The following DPP10 variants were observed in gnomAD, a reference collection of about 807,000 sequenced individuals.
The protein encoded by DPP10 is inactive dipeptidyl peptidase 10.
In DPP10, 33 loss-of-function variants were observed where a neutral mutation model predicts 120.9. That is an observed-to-expected ratio of 0.27 (90% confidence interval 0.21 to 0.37). The LOEUF is 0.37. Among genes scored for constraint, DPP10 ranks in the 10% least tolerant of loss-of-function variants. The probability of loss-of-function intolerance (pLI) is 1.00; values close to 1 mark genes in which losing one functional copy is unlikely to be tolerated. For synonymous variants in DPP10, 337 were observed against 326.1 expected (o/e 1.03, Z -0.36); for missense variants, 816 against 942.8 (o/e 0.87, Z 1.76).
At chr2:114,460,073 C>A (rs1678794380) in intron 1 of DPP10, among the ~76,000 whole-genome samples, 1 of 152,090 alleles carries the variant, frequency 6.6e-6, no homozygotes, top group African/African-American at 2.4e-5. Flanking sequence ...TTATAACCAG[C>A]AATACGCTGA....
Position 115,842,617 on chromosome 2 carries a change from A to G in DPP10, c.*272A>G, listed in dbSNP as rs1398031624. 3 of 267,080 alleles carry G rather than the reference A, an allele frequency of 1.1e-5. No individual in the cohort carries two copies. The highest frequency in any genetic ancestry group is 4.4e-5 in the African/African-American group (2 of 45,832). 16.5% of individuals were successfully genotyped at this position (267,080 alleles called of 1,614,324 possible). Reference sequence around the variant, plus strand: ...TTTTGCATTAAAGTAGGAGTAGTGCATGTTTTCTTCTGTTATCCCCCTGTT... The same window carrying G: ...TTTTGCATTAAAGTAGGAGTAGTGCGTGTTTTCTTCTGTTATCCCCCTGTT... On this transcript the variant is annotated 3_prime_UTR_variant, in exon 26 of 26. Coordinates refer to ENST00000410059, the MANE Select transcript of DPP10 (RefSeq NM_020868.6).
intron 1 of DPP10, among the ~76,000 whole-genome samples, chr2:114,900,607 A>C (rs1423276980): frequency 6.6e-6 from 1 of 152,116 alleles, no homozygotes; most frequent in Non-Finnish European, 1.5e-5. Context: ...TTGTTCATTT[A>C]CGTGTTGCAA....
At chr2:114,713,626 G>A (rs906903166) in intron 1 of DPP10, among the ~76,000 whole-genome samples, 2 of 152,122 alleles carry the variant, frequency 1.3e-5, no homozygotes, top group Non-Finnish European at 2.9e-5. Flanking sequence ...TTCAATCTAT[G>A]ATTCCCACAC....
At chr2:115,118,083 A>C (rs2049617775) in intron 1 of DPP10, among the ~76,000 whole-genome samples, 1 of 152,210 alleles carries the variant, frequency 6.6e-6, no homozygotes, top group African/African-American at 2.4e-5. Flanking sequence ...GATGGGTTCC[A>C]ATCTAGATAA....
chr2:115,216,176 G>A (rs1438674429), intron 1 of DPP10, among the ~76,000 whole-genome samples: 1 of 152,000 alleles, frequency 6.6e-6, no homozygotes, highest in Non-Finnish European at 1.5e-5. Flanking sequence ...GAGGAAAGAG[G>A]GAGAAAAAAT....
chr2:115,491,037 G>T (rs2076087974), intron 3 of DPP10, among the ~76,000 whole-genome samples: 1 of 152,128 alleles, frequency 6.6e-6, no homozygotes. Context: ...AGGATCACTT[G>T]AACCTGGGAG....
chr2:115,590,436 C>T (rs879219073), intron 5 of DPP10, among the ~76,000 whole-genome samples: 7 of 152,000 alleles, frequency 4.6e-5, no homozygotes, highest in African/African-American at 7.2e-5. Context: ...TCTGTCCTTG[C>T]GATAGTTTGC....
At chr2:115,742,402 A>G (rs1677394491) in intron 9 of DPP10, among the ~76,000 whole-genome samples, 2 of 152,148 alleles carry the variant, frequency 1.3e-5, no homozygotes, top group Non-Finnish European at 2.9e-5. Flanking sequence ...CAAACCTGTC[A>G]TTTTATATAT....
intron 1 of DPP10, among the ~76,000 whole-genome samples, chr2:114,802,664 C>T (rs186328745): frequency 6.3e-4 from 96 of 152,214 alleles, no homozygotes; most frequent in African/African-American, 2.2e-3. Context: ...AATGAAGAGA[C>T]CATGGGAGTC....
At chr2:114,684,591 C>T (rs548590886) in intron 1 of DPP10, among the ~76,000 whole-genome samples, 5 of 152,080 alleles carry the variant, frequency 3.3e-5, no homozygotes, top group African/African-American at 1.2e-4. Context: ...ACACATCAAA[C>T]AACCAGCCAG....
chr2:115,760,128 A>G (rs1679935508), intron 11 of DPP10, among the ~76,000 whole-genome samples: 1 of 152,212 alleles, frequency 6.6e-6, no homozygotes, highest in Non-Finnish European at 1.5e-5. Flanking sequence ...AATAGTCTGT[A>G]GAGAAGCTTT....
intron 5 of DPP10, among the ~76,000 whole-genome samples, chr2:115,572,833 G>T (rs1164541571): frequency 6.6e-6 from 1 of 152,082 alleles, no homozygotes; most frequent in Non-Finnish European, 1.5e-5. Flanking sequence ...AAAAACCTTT[G>T]GAGTAACTCT....
At chr2:115,455,035 CATA>C in intron 3 of DPP10, among the ~76,000 whole-genome samples, 1 of 150,342 alleles carries the variant, frequency 6.7e-6, no homozygotes, top group East Asian at 1.9e-4. Flanking sequence ...ATTAATATAG[CATA>C]ATTATAATGA....
intron 1 of DPP10, among the ~76,000 whole-genome samples, chr2:114,741,811 C>T (rs933175917): frequency 1.3e-5 from 2 of 152,218 alleles, no homozygotes; most frequent in African/African-American, 2.4e-5. Flanking sequence ...TGCCCAGGAC[C>T]ACCAGAAACT....
intron 3 of DPP10, among the ~76,000 whole-genome samples, chr2:115,382,603 T>C (rs924417905): frequency 2.0e-5 from 3 of 152,092 alleles, no homozygotes; most frequent in African/African-American, 7.2e-5. Context: ...GCTATCTCTG[T>C]GTCTAGCTAA....
intron 1 of DPP10, among the ~76,000 whole-genome samples, chr2:114,722,764 AG>A: frequency 9.2e-6 from 1 of 108,154 alleles, no homozygotes; most frequent in South Asian, 3.7e-4. Flanking sequence ...AGACAGAGCT[AG>A]GCTCTGTCTC....
chr2:115,646,108 GCACA>G (rs71394157), intron 5 of DPP10, among the ~76,000 whole-genome samples: 3,444 of 150,678 alleles, frequency 0.023, 46 homozygotes, highest in Middle Eastern at 0.035. Flanking sequence ...GTGCGTGCGC[GCACA>G]CACACACACA....
At position 114,959,655 on chromosome 2, in the gene DPP10, T is replaced by G. The variant is rs188632781; in HGVS notation, c.61-349584T>G. ...AACATGTTAAGGAACCGCCAAACTG[T>G]TTTTTAAACTGGATACCACACTGCC... On this transcript the variant is annotated intron_variant, in intron 1 of 25. Coordinates refer to ENST00000410059, the MANE Select transcript of DPP10 (RefSeq NM_020868.6). Among the ~76,000 whole-genome samples, 1,239 of 152,296 alleles carry G rather than the reference T, an allele frequency of 8.1e-3. 29 individuals carry two copies. The highest frequency in any genetic ancestry group is 6.7e-3 in the Non-Finnish European group (454 of 68,026).
At chr2:115,826,460 G>A (rs910455820) in intron 21 of DPP10, among the ~76,000 whole-genome samples, 10 of 151,772 alleles carry the variant, frequency 6.6e-5, no homozygotes, top group Admixed American at 2.6e-4. Context: ...GGTGGCTCAC[G>A]CTGTAATCCC....
Sources: allele counts gnomAD v4.1 joint callset (sites outside exome capture counted in the v4.1 genomes callset), GRCh38; gene constraint gnomAD v4.1.1; transcripts MANE v1.5; gene names NCBI Gene and HGNC (gene_info 2026-07-23, HGNC 2026-07-21).